The following CTNND2 variants were observed in gnomAD, a reference collection of about 807,000 sequenced individuals.
The protein encoded by CTNND2 is catenin delta-2.
In CTNND2, 22 loss-of-function variants were observed where a neutral mutation model predicts 144.4. The ratio of observed to expected loss-of-function variants is 0.15; its 90% confidence interval spans 0.11 to 0.22. The LOEUF is 0.22. Among genes scored for constraint, CTNND2 ranks in the 10% least tolerant of loss-of-function variants. The probability of loss-of-function intolerance (pLI) is 1.00; values close to 1 mark genes in which losing one functional copy is unlikely to be tolerated. For missense variants in CTNND2, 1,353 were observed against 1,618.8 expected (o/e 0.84, Z 2.82); for synonymous variants, 751 against 695.6 (o/e 1.08, Z -1.25).
chr5:11,382,064 C>T (rs1201191268), intron 7 of CTNND2, among the ~76,000 whole-genome samples: 2 of 152,174 alleles, frequency 1.3e-5, no homozygotes, highest in Admixed American at 6.5e-5. Context: ...GTACCCCAAA[C>T]CTCAGCATCA....
intron 10 of CTNND2, among the ~76,000 whole-genome samples, chr5:11,220,545 G>A (rs186914875): frequency 3.3e-5 from 5 of 152,136 alleles, no homozygotes; most frequent in African/African-American, 1.2e-4. Context: ...ATTTTCCCTG[G>A]ACCCCTGCCC....
chr5:11,250,190 C>T (rs915281628), intron 9 of CTNND2, among the ~76,000 whole-genome samples: 4 of 152,170 alleles, frequency 2.6e-5, no homozygotes, highest in Admixed American at 2.0e-4. Flanking sequence ...GGTGAAAAGG[C>T]TGTTGAAAGG....
At chr5:11,265,979 G>A (rs538634615) in intron 9 of CTNND2, among the ~76,000 whole-genome samples, 1 of 151,988 alleles carries the variant, frequency 6.6e-6, no homozygotes, top group East Asian at 1.9e-4. Context: ...CAAAGTGCTG[G>A]GATTAGAGGT....
intron 3 of CTNND2, among the ~76,000 whole-genome samples, chr5:11,450,241 T>C (rs1325605530): frequency 6.6e-6 from 1 of 152,204 alleles, no homozygotes; most frequent in Non-Finnish European, 1.5e-5. Context: ...AACCTGGATC[T>C]GTCAAAGGTG....
chr5:11,664,056 A>G (rs1475391127), intron 2 of CTNND2, among the ~76,000 whole-genome samples: 1 of 152,204 alleles, frequency 6.6e-6, no homozygotes, highest in Non-Finnish European at 1.5e-5. Context: ...AACTTAACAC[A>G]AAAGGTTTAG....
At chr5:11,247,119 A>C (rs139731534) in intron 9 of CTNND2, among the ~76,000 whole-genome samples, 1 of 152,292 alleles carries the variant, frequency 6.6e-6, no homozygotes. Flanking sequence ...CTTGGGTATC[A>C]ATTACACCTG....
chr5:11,286,057 A>T (rs1427013016), intron 9 of CTNND2, among the ~76,000 whole-genome samples: 1 of 148,252 alleles, frequency 6.7e-6, no homozygotes, highest in Non-Finnish European at 1.5e-5. Flanking sequence ...CACATGAAAA[A>T]AAAAACAGAT....
chr5:11,333,948 G>C (rs1245434466), intron 9 of CTNND2, among the ~76,000 whole-genome samples: 9 of 152,150 alleles, frequency 5.9e-5, no homozygotes, highest in Admixed American at 5.9e-4. Flanking sequence ...CAGGAGACCG[G>C]GGTCATTGCG....
chr5:11,693,609 T>C lies in CTNND2; in HGVS notation c.174+38527A>G, dbSNP rs147986708. 4.5e-3 allele frequency among the ~76,000 whole-genome samples: 683 copies of C among 152,334 alleles called. 3 individuals carry two copies. Among genetic ancestry groups the C allele is most frequent in the African/African-American group, 0.016 (655 of 41,590 alleles). ...AATCTTCAATGCAATGGAATCTCAA[T>C]GAGGACAGGGCTGTTTGTGTCTTTT... On this transcript the variant is annotated intron_variant, in intron 2 of 21. Coordinates refer to ENST00000304623, the MANE Select transcript of CTNND2 (RefSeq NM_001332.4).
intron 12 of CTNND2, among the ~76,000 whole-genome samples, chr5:11,149,806 C>T (rs1414752238): frequency 6.6e-6 from 1 of 152,150 alleles, no homozygotes; most frequent in Non-Finnish European, 1.5e-5. Flanking sequence ...CTAAATATTG[C>T]TTCTTCGGTT....
At position 11,479,028 on chromosome 5, in the gene CTNND2, T is replaced by C. The variant is rs1768003384; in HGVS notation, c.288-66959A>G. ...TAAAAAAAATTAGGTTTGGGGTACA[T>C]GTGCAGGTTTCTTATATAGGTTCAC... On this transcript the variant is annotated intron_variant, in intron 3 of 21. Coordinates refer to ENST00000304623, the MANE Select transcript of CTNND2 (RefSeq NM_001332.4). 2.6e-5 allele frequency among the ~76,000 whole-genome samples: 4 copies of C among 152,204 alleles called. No individual in the cohort carries two copies. In the South Asian group the frequency reaches 8.3e-4, roughly 31 times the overall value.
chr5:11,547,958 T>C (rs1775390352), intron 3 of CTNND2, among the ~76,000 whole-genome samples: 1 of 152,164 alleles, frequency 6.6e-6, no homozygotes, highest in African/African-American at 2.4e-5. Context: ...AGCGATATAT[T>C]TACAGAAGAA....
chr5:11,665,886 G>A (rs1365666949), intron 2 of CTNND2, among the ~76,000 whole-genome samples: 1 of 152,092 alleles, frequency 6.6e-6, no homozygotes, highest in African/African-American at 2.4e-5. Context: ...CTTAAGATAT[G>A]ACAGCAGAAA....
At chr5:11,806,044 TAAA>T in intron 1 of CTNND2, among the ~76,000 whole-genome samples, 1 of 152,236 alleles carries the variant, frequency 6.6e-6, no homozygotes, top group South Asian at 2.1e-4. Context: ...TCAAAGTTAT[TAAA>T]ACAAGGAAAG....
chr5:11,873,079 A>G (rs1735282718), intron 1 of CTNND2, among the ~76,000 whole-genome samples: 1 of 152,192 alleles, frequency 6.6e-6, no homozygotes, highest in Non-Finnish European at 1.5e-5. Context: ...AGAATGGGAG[A>G]AAATTTTTGC....
At chr5:11,705,947 G>T (rs1443743919) in intron 2 of CTNND2, among the ~76,000 whole-genome samples, 3 of 152,162 alleles carry the variant, frequency 2.0e-5, no homozygotes, top group African/African-American at 7.2e-5. Context: ...GACTCCCCTG[G>T]CTAGCTAGAG....
chr5:11,464,904 AT>A (rs1223840039), intron 3 of CTNND2, among the ~76,000 whole-genome samples: 2 of 152,194 alleles, frequency 1.3e-5, no homozygotes, highest in Non-Finnish European at 2.9e-5. Context: ...GATCATATTT[AT>A]TTTAAATTCA....
chr5:11,150,608 T>C lies in CTNND2; in HGVS notation c.2159+8968A>G, dbSNP rs1253501056. Among the ~76,000 whole-genome samples, 9 of 143,914 alleles carry C rather than the reference T, an allele frequency of 6.3e-5. No homozygotes were observed. In the East Asian group the frequency reaches 1.9e-3, roughly 30 times the overall value. The allele number at this position is 143,914 out of a possible 152,430, so 94.4% of individuals were successfully genotyped here. ...GTGGCAGGTGGTGAGGCCTCTGAACTGCTGCCTTCTTTTTTTTTTTTTTTT... is the reference window on the plus strand; with the variant it reads ...GTGGCAGGTGGTGAGGCCTCTGAACCGCTGCCTTCTTTTTTTTTTTTTTTT... On this transcript the variant is annotated intron_variant, in intron 12 of 21. Transcript: ENST00000304623.
At chr5:11,521,829 A>C (rs1317443520) in intron 3 of CTNND2, among the ~76,000 whole-genome samples, 1 of 152,220 alleles carries the variant, frequency 6.6e-6, no homozygotes. Context: ...ATCCATTAGG[A>C]AATAACATAG....
Sources: allele counts gnomAD v4.1 joint callset (sites outside exome capture counted in the v4.1 genomes callset), GRCh38; gene constraint gnomAD v4.1.1; transcripts MANE v1.5; gene names NCBI Gene and HGNC (gene_info 2026-07-23, HGNC 2026-07-21).